RTN4: variants seen among roughly 807,000 people sequenced by gnomAD.
RTN4 encodes reticulon-4.
A neutral mutation model predicts 90.4 loss-of-function variants in RTN4; 32 were observed. The ratio of observed to expected loss-of-function variants is 0.35; its 90% CI spans 0.27 to 0.48. The LOEUF is 0.48. Among genes scored for constraint, RTN4 ranks in the 20% least tolerant of loss-of-function variants. The pLI is 0.99. For missense variants in RTN4, 1,706 were observed against 1,430.2 expected, an observed-to-expected ratio of 1.19 and a Z score of -3.11; for synonymous variants, 629 against 552.5, an observed-to-expected ratio of 1.14 and a Z score of -1.94.
At chr2:54,992,335 A>T (rs746047402) in intron 3 of RTN4, among the ~76,000 whole-genome samples, 4 of 152,246 alleles carry the variant, frequency 2.6e-5, no homozygotes, top group Admixed American at 6.5e-5. Context: ...GGCTTAGCTG[A>T]TTAAAGTGCT....
chr2:55,129,008 T>C, the RTN4 span, among the ~76,000 whole-genome samples: 15 of 149,738 alleles, frequency 1.0e-4, no homozygotes, highest in South Asian at 2.1e-4. Flanking sequence ...CTCGGGAGGC[T>C]GAGGCAGGAG....
intron 1 of RTN4, among the ~76,000 whole-genome samples, chr2:55,047,352 T>C (rs1287644161): frequency 2.0e-5 from 3 of 152,060 alleles, no homozygotes; most frequent in Non-Finnish European, 2.9e-5. Flanking sequence ...AAAATTCCTG[T>C]TTAAAAATAT....
At chr2:55,079,434 G>C (rs147435537) in intron 2 of RTN4, among the ~76,000 whole-genome samples, 1 of 152,172 alleles carries the variant, frequency 6.6e-6, no homozygotes, top group Non-Finnish European at 1.5e-5. Flanking sequence ...ACTTAGAAGA[G>C]TAAAGGGCCT....
At chr2:55,055,069 G>C (rs1668164811), upstream of RTN4, among the ~76,000 whole-genome samples, 1 of 152,074 alleles carries the variant, frequency 6.6e-6, no homozygotes, top group African/African-American at 2.4e-5. Context: ...TAATAAGCAA[G>C]TGAAAGTCAT....
chr2:55,067,035 TA>T (rs992643473), intron 2 of RTN4, among the ~76,000 whole-genome samples: 3 of 152,228 alleles, frequency 2.0e-5, no homozygotes, highest in African/African-American at 4.8e-5. Context: ...ATAAACCCTT[TA>T]AAATTGTTTA....
chr2:55,113,613 G>A (rs969053602), upstream of RTN4, among the ~76,000 whole-genome samples: 9 of 152,106 alleles, frequency 5.9e-5, no homozygotes, highest in African/African-American at 9.7e-5. Context: ...CTCTCACTCC[G>A]GACCTGTAGG....
intron 2 of RTN4, among the ~76,000 whole-genome samples, chr2:55,061,020 TG>T (rs1425997782): frequency 1.3e-5 from 2 of 152,160 alleles, no homozygotes; most frequent in African/African-American, 4.8e-5. Context: ...ACAGTCATCA[TG>T]ACATTCTTCG....
At chr2:54,983,454 C>T (rs1260727404) in intron 4 of RTN4, among the ~76,000 whole-genome samples, 1 of 152,152 alleles carries the variant, frequency 6.6e-6, no homozygotes, top group African/African-American at 2.4e-5. Context: ...GTACAACCAA[C>T]TCAGAAGTGC....
chr2:55,026,979 C>G lies in RTN4; in HGVS notation c.1120G>C (p.Val374Leu), dbSNP rs371538479. 1.2e-6 allele frequency: 2 copies of G among 1,613,404 alleles called. No homozygotes were observed. Among genetic ancestry groups the G allele is most frequent in the Non-Finnish European group, 1.7e-6 (2 of 1,179,872 alleles). Reference protein sequence around the residue: ...KAKDSFNEKRVAVEAPMREEY... With the variant: ...KAKDSFNEKRLAVEAPMREEY... ...TCCCTCATAGGAGCTTCCACTGCAACTCTCTTTTCATTAAAACTGTCTTTT... is the reference window on the plus strand; with the variant it reads ...TCCCTCATAGGAGCTTCCACTGCAAGTCTCTTTTCATTAAAACTGTCTTTT... Residue 374 changes from valine to leucine, a missense_variant, in exon 3 of 9, where the codon GTT becomes CTT. Coordinates refer to ENST00000337526, the MANE Select transcript of RTN4 (RefSeq NM_020532.5).
chr2:54,972,890 C>A lies in RTN4; in HGVS notation c.*266G>T. 1.4e-5 allele frequency: 4 copies of A among 290,962 alleles called. No individual in the cohort carries two copies. Among genetic ancestry groups the A allele is most frequent in the East Asian group, 5.2e-5 (1 of 19,414 alleles). 18.0% of individuals were successfully genotyped at this position (290,962 alleles called of 1,614,324 possible). A position where few individuals can be genotyped will look rare whatever the true frequency, so the allele number is the denominator to read the frequency against. ...AAGTAAAATATACAGGTTTTTTATT[C>A]CACCAGTGCCTCAGATAGATAGGAA... is the stretch of plus-strand genomic sequence containing the variant. On this transcript the variant is annotated 3_prime_UTR_variant, in exon 9 of 9. Coordinates refer to ENST00000337526, the MANE Select transcript of RTN4 (RefSeq NM_020532.5).
chr2:55,000,601 TA>T (rs1426383759), intron 3 of RTN4, among the ~76,000 whole-genome samples: 2 of 152,192 alleles, frequency 1.3e-5, no homozygotes, highest in Non-Finnish European at 2.9e-5. Flanking sequence ...ATAACAACTC[TA>T]AAAAGTATTA....
chr2:55,004,867 A>T (rs999465234), intron 3 of RTN4, among the ~76,000 whole-genome samples: 1 of 152,168 alleles, frequency 6.6e-6, no homozygotes, highest in Non-Finnish European at 1.5e-5. Context: ...GGGAAAAAAA[A>T]GTACAAAATG....
rs572156483 is a variant in RTN4 at position 55,081,481 on chromosome 2, A to T, written c.-213-842T>A. Among the ~76,000 whole-genome samples, 5 of 152,280 alleles carry T rather than the reference A, an allele frequency of 3.3e-5. No homozygotes were observed. The East Asian group carries it at 7.7e-4, about 23-fold the overall frequency. ...AACAGCATTATTCATACCTAAATAT[A>T]TATATGCCATTATGAATACTAAACA... On this transcript the variant is annotated intron_variant, in intron 1 of 3. Transcript: ENST00000427710.
intron 6 of RTN4, 175 bp from the exon 7 acceptor site, chr2:54,974,042 G>T: frequency 1.8e-6 from 1 of 570,164 alleles, no homozygotes; most frequent in Non-Finnish European, 3.1e-6. Flanking sequence ...CCAGAGGAAT[G>T]AATGAACTGT....
chr2:55,045,238 C>T (rs895855852), intron 1 of RTN4, among the ~76,000 whole-genome samples: 2 of 152,184 alleles, frequency 1.3e-5, no homozygotes, highest in Non-Finnish European at 2.9e-5. Context: ...GTCTCTGAAA[C>T]TGATTTAATA....
intron 3 of RTN4, among the ~76,000 whole-genome samples, chr2:55,024,355 G>A (rs1192238676): frequency 6.6e-6 from 1 of 152,174 alleles, no homozygotes; most frequent in Admixed American, 6.6e-5. Flanking sequence ...GAGCTGGACT[G>A]TACTGCTGAA....
At chr2:55,009,087 A>G (rs954754640) in intron 3 of RTN4, among the ~76,000 whole-genome samples, 7 of 152,288 alleles carry the variant, frequency 4.6e-5, no homozygotes, top group African/African-American at 1.7e-4. Flanking sequence ...TTTATTGAAC[A>G]AATTTTTAAA....
chr2:55,116,381 A>G (rs912590308), upstream of RTN4, among the ~76,000 whole-genome samples: 3 of 152,162 alleles, frequency 2.0e-5, no homozygotes, highest in African/African-American at 4.8e-5. Flanking sequence ...AAATAGATAT[A>G]CAACACAGTG....
At chr2:54,995,768 T>G (rs576404840) in intron 3 of RTN4, among the ~76,000 whole-genome samples, 13 of 152,234 alleles carry the variant, frequency 8.5e-5, no homozygotes, top group Non-Finnish European at 1.6e-4. Context: ...GTGAACCTAA[T>G]GTGTACATCT....
Sources: gnomAD v4.1 joint callset for allele counts (sites outside exome capture counted in the v4.1 genomes callset) on GRCh38, gnomAD v4.1.1 for gene constraint, MANE v1.5 for transcripts, NCBI Gene and HGNC (gene_info 2026-07-23, HGNC 2026-07-21) for gene names.